CPD: variants seen among roughly 807,000 people sequenced by gnomAD.
CPD encodes metallocarboxypeptidase D.
In CPD, 69 loss-of-function variants were observed where a neutral mutation model predicts 138.3. The ratio of observed to expected loss-of-function variants is 0.50; its 90% CI spans 0.41 to 0.61. CPD has a LOEUF of 0.61. CPD is among the 20% of genes least tolerant of loss of function. CPD has a pLI of 0.00. For missense variants in CPD, 1,432 were observed against 1,733.3 expected, an observed-to-expected ratio of 0.83 and a Z score of 3.09; for synonymous variants, 651 against 642.1, an observed-to-expected ratio of 1.01 and a Z score of -0.21.
chr17:30,415,979 G>A (rs1912096370), intron 2 of CPD, among the ~76,000 whole-genome samples: 1 of 152,176 alleles, frequency 6.6e-6, no homozygotes, highest in South Asian at 2.1e-4. Flanking sequence ...CAAGAGCCGG[G>A]GAGAGTGGCA....
chr17:30,392,031 A>T, intron 2 of CPD, among the ~76,000 whole-genome samples: 1 of 141,640 alleles, frequency 7.1e-6, no homozygotes, highest in Middle Eastern at 3.8e-3. Context: ...TTTTTTGGAG[A>T]CAAAGTCTCA....
At chr17:30,418,811 A>T (rs1366869371) in intron 2 of CPD, among the ~76,000 whole-genome samples, 1 of 152,200 alleles carries the variant, frequency 6.6e-6, no homozygotes, top group African/African-American at 2.4e-5. Flanking sequence ...ATGTCATGTC[A>T]CAAGTATCCT....
At chr17:30,443,008 T>G (rs954822125) in intron 10 of CPD, among the ~76,000 whole-genome samples, 6 of 36,898 alleles carry the variant, frequency 1.6e-4, no homozygotes, top group East Asian at 0.013. Flanking sequence ...AGTCTGTGAG[T>G]TTTTTTTACT....
chr17:30,436,644 T>G (rs1374092066), intron 8 of CPD, among the ~76,000 whole-genome samples: 1 of 152,238 alleles, frequency 6.6e-6, no homozygotes, highest in East Asian at 1.9e-4. Flanking sequence ...GTGGAAAAAT[T>G]GAAACCTTAC....
intron 2 of CPD, among the ~76,000 whole-genome samples, chr17:30,396,778 A>C (rs976705440): frequency 6.6e-6 from 1 of 152,168 alleles, no homozygotes; most frequent in Admixed American, 6.5e-5. Context: ...ATACTGGTAA[A>C]TGAATGGTAG....
At position 30,467,557 on chromosome 17, in the gene CPD, C is replaced by T. The variant is rs1244351098; in HGVS notation, c.*2743C>T. On this transcript the variant is annotated 3_prime_UTR_variant, in exon 21 of 21. Transcript: ENST00000225719. The stretch of plus-strand genomic sequence containing the variant: ...ACTTTGTCATCTTCCAGAAAGGAAA[C>T]ATATTGTATATTTGGCCCAGTGTGA... 2 of 152,156 alleles carry T rather than the reference C, an allele frequency of 1.3e-5. No homozygotes were observed. The highest frequency in any genetic ancestry group is 4.8e-5 in the African/African-American group (2 of 41,456). 9.4% of individuals were successfully genotyped at this position (152,156 alleles called of 1,614,324 possible).
chr17:30,458,181 C>T (rs977633891), intron 17 of CPD, among the ~76,000 whole-genome samples: 1 of 151,934 alleles, frequency 6.6e-6, no homozygotes, highest in Non-Finnish European at 1.5e-5. Context: ...GCAACAAACA[C>T]GAAACTCTGT....
At chr17:30,453,386 G>A in intron 14 of CPD, among the ~76,000 whole-genome samples, 1 of 152,246 alleles carries the variant, frequency 6.6e-6, no homozygotes, top group South Asian at 2.1e-4. Context: ...CAGCAGGGCA[G>A]TCAAATCTTA....
At chr17:30,425,655 CAAA>C (rs11337028) in intron 6 of CPD, among the ~76,000 whole-genome samples, 6 of 113,596 alleles carry the variant, frequency 5.3e-5, no homozygotes, top group Admixed American at 1.8e-4. Context: ...GACTCTGTCT[CAAA>C]AAAAAAAAAA....
At chr17:30,438,395 G>A (rs1912761932) in intron 8 of CPD, among the ~76,000 whole-genome samples, 1 of 152,102 alleles carries the variant, frequency 6.6e-6, no homozygotes, top group South Asian at 2.1e-4. Context: ...TGAGTTATCA[G>A]TTGGACACCT....
intron 6 of CPD, among the ~76,000 whole-genome samples, chr17:30,425,081 G>A (rs1312358586): frequency 6.6e-6 from 1 of 151,924 alleles, no homozygotes; most frequent in African/African-American, 2.4e-5. Context: ...TTTCTGAAAG[G>A]TGGAACTAAT....
intron 13 of CPD, 36 bp from the exon 14 acceptor site, chr17:30,451,675 C>T: frequency 1.9e-6 from 3 of 1,599,122 alleles, no homozygotes; most frequent in South Asian, 2.2e-5. Flanking sequence ...ATTCTACATG[C>T]AGCTAGTAAC....
intron 10 of CPD, among the ~76,000 whole-genome samples, chr17:30,442,882 G>T (rs1054816825): frequency 6.6e-6 from 1 of 152,020 alleles, no homozygotes. Context: ...GGATATGTGT[G>T]GTGGCCAGTA....
At chr17:30,426,723 A>G (rs190494750) in intron 6 of CPD, among the ~76,000 whole-genome samples, 25 of 152,342 alleles carry the variant, frequency 1.6e-4, no homozygotes, top group African/African-American at 5.3e-4. Context: ...GGCCCCTCTT[A>G]TAATCCCAAC....
intron 2 of CPD, among the ~76,000 whole-genome samples, chr17:30,418,371 T>C (rs1260389346): frequency 6.6e-6 from 1 of 151,828 alleles, no homozygotes; most frequent in Non-Finnish European, 1.5e-5. Flanking sequence ...TTTGTAGAGA[T>C]GGGGTTTTGC....
At chr17:30,436,814 A>C (rs1912716052) in intron 8 of CPD, among the ~76,000 whole-genome samples, 1 of 152,256 alleles carries the variant, frequency 6.6e-6, no homozygotes. Context: ...AAACTTGTAC[A>C]TGAATATTTG....
chr17:30,456,036 G>C (rs1913284008), intron 15 of CPD: 1 of 522,282 alleles, frequency 1.9e-6, no homozygotes. Flanking sequence ...ATAGTCTGTT[G>C]TGAAAACTCA....
At chr17:30,416,332 C>CA (rs1325350913) in intron 2 of CPD, among the ~76,000 whole-genome samples, 2 of 151,312 alleles carry the variant, frequency 1.3e-5, no homozygotes. Flanking sequence ...AAGTCCGTCT[C>CA]AAAAAAAAGA....
chr17:30,427,923 C>T (rs1308092777), intron 7 of CPD, among the ~76,000 whole-genome samples: 1 of 151,314 alleles, frequency 6.6e-6, no homozygotes, highest in African/African-American at 2.4e-5. Flanking sequence ...CCCGCCTGTC[C>T]CCCTACTCTG....
Sources: allele counts gnomAD v4.1 joint callset (sites outside exome capture counted in the v4.1 genomes callset), GRCh38; gene constraint gnomAD v4.1.1; transcripts MANE v1.5; gene names NCBI Gene and HGNC (gene_info 2026-07-23, HGNC 2026-07-21).